SLC2A2: variants seen among roughly 807,000 people sequenced by gnomAD.
SLC2A2 encodes the protein solute carrier family 2, facilitated glucose transporter member 2.
In SLC2A2, 36 loss-of-function variants were observed where a neutral mutation model predicts 54.5. That is an observed-to-expected ratio of 0.66 (90% CI 0.51 to 0.87). SLC2A2 has a LOEUF of 0.87. Ranked by LOEUF, SLC2A2 falls within the 40% of genes least tolerant of loss-of-function variation. The pLI, the probability that SLC2A2 is intolerant of heterozygous loss-of-function variation, is 0.00. For synonymous variants in SLC2A2, 223 were observed against 219.1 expected (o/e 1.02, Z -0.16); for missense variants, 543 against 624.3 (o/e 0.87, Z 1.39).
chr3:170,996,979 A>G lies in SLC2A2; in HGVS notation c.*924T>C. 4.3e-6 allele frequency: 1 copy of G among 233,398 alleles called. No homozygotes were observed. The highest frequency in any genetic ancestry group is 5.6e-5 in the Admixed American group (1 of 17,784). The allele number at this position is 233,398 out of a possible 1,614,324, so 14.5% of individuals were successfully genotyped here. On this transcript the variant is annotated 3_prime_UTR_variant, in exon 11 of 11. Coordinates refer to ENST00000314251, the MANE Select transcript of SLC2A2 (RefSeq NM_000340.2). ...ACAAAGTGATCAATCCTTTACTTCA[A>G]ATTTTCTTACATTAGATTTGATCAA...
chr3:170,997,803 A>C lies in SLC2A2; in HGVS notation c.*100T>G, dbSNP rs899034750. ...GATGAGAGCACATAAAAATAAAACA[A>C]TACTTAAAGATGTGGATATAAAATG... On this transcript the variant is annotated 3_prime_UTR_variant, in exon 11 of 11. Transcript: ENST00000314251. 19 of 949,228 alleles carry C rather than the reference A, an allele frequency of 2.0e-5. 1 individual carries two copies. In the Admixed American group the frequency reaches 3.5e-4, roughly 17 times the overall value. The allele number at this position is 949,228 out of a possible 1,614,324, so 58.8% of individuals were successfully genotyped here.
chr3:171,019,552 C>A (rs946964761), intron 1 of SLC2A2, among the ~76,000 whole-genome samples: 12 of 152,104 alleles, frequency 7.9e-5, no homozygotes, highest in African/African-American at 2.2e-4. Flanking sequence ...TCACATCATG[C>A]ATACGGATAC....
chr3:171,009,892 G>A, intron 4 of SLC2A2, 66 bp downstream of exon 4: 2 of 1,530,688 alleles, frequency 1.3e-6, no homozygotes, highest in South Asian at 1.2e-5. Context: ...CGCCTTTAGA[G>A]TTACTTTCAG....
chr3:171,014,333 G>A (rs1036892474), intron 3 of SLC2A2, 136 bp downstream of exon 3: 10 of 854,956 alleles, frequency 1.2e-5, no homozygotes, highest in African/African-American at 1.7e-5. Context: ...ACACTGATAT[G>A]CCTCATAGGG....
intron 3 of SLC2A2, among the ~76,000 whole-genome samples, chr3:171,012,984 G>A (rs1715961880): frequency 6.6e-6 from 1 of 152,116 alleles, no homozygotes; most frequent in Non-Finnish European, 1.5e-5. Context: ...CTAATTAAAT[G>A]TTTTAGGTTA....
intron 1 of SLC2A2, among the ~76,000 whole-genome samples, chr3:171,024,775 G>A (rs1203521344): frequency 6.6e-6 from 1 of 152,252 alleles, no homozygotes; most frequent in South Asian, 2.1e-4. Flanking sequence ...TGACAACTCA[G>A]GTCTCTTGAC....
intron 1 of SLC2A2, among the ~76,000 whole-genome samples, chr3:171,022,416 T>TC (rs1320027971): frequency 2.0e-5 from 3 of 152,218 alleles, no homozygotes; most frequent in Non-Finnish European, 2.9e-5. Context: ...AACCACATTT[T>TC]CCCACCACCT....
chr3:170,997,858 G>T lies in SLC2A2; in HGVS notation c.*45C>A. The T allele has an allele frequency of 6.8e-7, 1 of 1,470,180 alleles. No individual in the cohort carries two copies. Among genetic ancestry groups the T allele is most frequent in the Non-Finnish European group, 9.5e-7 (1 of 1,055,442 alleles). The allele number at this position is 1,470,180 out of a possible 1,614,324, so 91.1% of individuals were successfully genotyped here. ...AGGAATCATCATTTAAAAACAGACG[G>T]TTCCCTTATTGTTTCTGTTCATGTC... On this transcript the variant is annotated 3_prime_UTR_variant, in exon 11 of 11. Coordinates refer to ENST00000314251, the MANE Select transcript of SLC2A2 (RefSeq NM_000340.2).
At chr3:171,020,613 T>G (rs1236338575) in intron 1 of SLC2A2, among the ~76,000 whole-genome samples, 3 of 152,124 alleles carry the variant, frequency 2.0e-5, no homozygotes, top group African/African-American at 4.8e-5. Flanking sequence ...CCAGGCATAG[T>G]GGCTCACACC....
chr3:171,012,138 C>G (rs1331194373), intron 3 of SLC2A2, among the ~76,000 whole-genome samples: 2 of 152,048 alleles, frequency 1.3e-5, no homozygotes, highest in Non-Finnish European at 2.9e-5. Flanking sequence ...TCATCATCAT[C>G]AAAATGAGGC....
chr3:171,014,799 GTGTT>G, intron 2 of SLC2A2, 68 bp from the exon 3 acceptor site: 1 of 1,323,330 alleles, frequency 7.6e-7, no homozygotes. Flanking sequence ...TGTCTTTAAA[GTGTT>G]TGTTACGTGT....
At chr3:171,026,308 A>G (rs192625581) in intron 1 of SLC2A2, among the ~76,000 whole-genome samples, 1 of 148,448 alleles carries the variant, frequency 6.7e-6, no homozygotes, top group Admixed American at 6.7e-5. Context: ...TCTCTCCTGC[A>G]TTGACGTTTT....
intron 5 of SLC2A2, among the ~76,000 whole-genome samples, chr3:171,006,780 C>T (rs1327147607): frequency 6.6e-6 from 1 of 152,006 alleles, no homozygotes; most frequent in Non-Finnish European, 1.5e-5. Context: ...GAAACCCAGG[C>T]AGTCAAACAC....
intron 4 of SLC2A2, among the ~76,000 whole-genome samples, chr3:171,008,492 T>C (rs1234988412): frequency 6.6e-6 from 1 of 152,100 alleles, no homozygotes; most frequent in Non-Finnish European, 1.5e-5. Context: ...TTCCTATAAT[T>C]TTTAGGAACT....
chr3:171,002,972 A>C (rs1415597011), intron 7 of SLC2A2, among the ~76,000 whole-genome samples: 1 of 152,042 alleles, frequency 6.6e-6, no homozygotes, highest in Admixed American at 6.6e-5. Flanking sequence ...TATACATAGA[A>C]AAGTACACAT....
chr3:171,016,437 A>G (rs377552673), intron 2 of SLC2A2, among the ~76,000 whole-genome samples: 2 of 152,154 alleles, frequency 1.3e-5, no homozygotes, highest in South Asian at 4.1e-4. Context: ...TAAAACAAAA[A>G]CATTTGCCTC....
At chr3:171,014,774 A>G (rs569066060) in intron 2 of SLC2A2, 43 bp from the exon 3 acceptor site, 3 of 1,556,304 alleles carry the variant, frequency 1.9e-6, no homozygotes, top group East Asian at 4.5e-5. Flanking sequence ...CAAACATTCT[A>G]TGTATTTTTG....
chr3:171,001,384 A>C (rs533845546), intron 8 of SLC2A2, among the ~76,000 whole-genome samples: 34 of 152,172 alleles, frequency 2.2e-4, no homozygotes, highest in African/African-American at 7.7e-4. Context: ...TGGTTTAAAC[A>C]GGCCTTATCT....
chr3:170,997,788 CATAAAA>C lies in SLC2A2; in HGVS notation c.*109_*114del. 2 of 865,534 alleles carry C rather than the reference CATAAAA, an allele frequency of 2.3e-6. No individual in the cohort carries two copies. The highest frequency in any genetic ancestry group is 1.9e-6 in the Non-Finnish European group (1 of 529,206). The allele number at this position is 865,534 out of a possible 1,614,324, so 53.6% of individuals were successfully genotyped here. ...TTTGATGACATTTCTGATGAGAGCA[CATAAAA>C]ATAAAACAATACTTAAAGATGTGGA... On this transcript the variant is annotated 3_prime_UTR_variant, in exon 11 of 11. Transcript: ENST00000314251.
Sources: allele counts gnomAD v4.1 joint callset (sites outside exome capture counted in the v4.1 genomes callset), GRCh38; gene constraint gnomAD v4.1.1; transcripts MANE v1.5; gene names NCBI Gene and HGNC (gene_info 2026-07-23, HGNC 2026-07-21).